SLC36A1: variants seen among roughly 807,000 people sequenced by gnomAD.
SLC36A1 encodes the protein proton-coupled amino acid transporter 1.
Under a neutral mutation model 47.5 loss-of-function variants are expected in SLC36A1, and 30 were observed. The ratio of observed to expected loss-of-function variants is 0.63; its 90% CI spans 0.47 to 0.86. The LOEUF (loss-of-function observed/expected upper bound fraction) is 0.86. Among genes scored for constraint, SLC36A1 ranks in the 40% least tolerant of loss-of-function variants. The pLI is 0.00. For synonymous variants in SLC36A1, 255 were observed against 249.7 expected (o/e 1.02, Z -0.20); for missense variants, 517 against 606.0 (o/e 0.85, Z 1.54).
the SLC36A1 span, chr5:151,511,779 T>C: frequency 1.0e-5 from 2 of 192,826 alleles, no homozygotes; most frequent in African/African-American, 4.7e-5. Context: ...CAAGAACTCA[T>C]TCAAAAACTG....
At chr5:151,461,047 G>A (rs1489665581) in intron 2 of SLC36A1, among the ~76,000 whole-genome samples, 1 of 151,556 alleles carries the variant, frequency 6.6e-6, no homozygotes, top group Non-Finnish European at 1.5e-5. Flanking sequence ...GAGTGCACTG[G>A]CACAATCATG....
chr5:151,394,222 C>T, the SLC36A1 span, among the ~76,000 whole-genome samples: 4 of 152,202 alleles, frequency 2.6e-5, no homozygotes, highest in African/African-American at 7.2e-5. Context: ...GCATTCATCA[C>T]GTAGTTCTCA....
At chr5:151,505,665 G>A in the SLC36A1 span, 2 of 1,614,018 alleles carry the variant, frequency 1.2e-6, no homozygotes, top group African/African-American at 1.3e-5. Context: ...TGCAAGAGGT[G>A]CCCCCTCCAC....
chr5:151,518,362 A>ATTATTATTATTATT, the SLC36A1 span, among the ~76,000 whole-genome samples: 2 of 75,018 alleles, frequency 2.7e-5, no homozygotes, highest in African/African-American at 3.5e-5. Context: ...TAATAATAAT[A>ATTATTATTATTATT]ATAATAATAA....
chr5:151,527,262 A>T, the SLC36A1 span: 1 of 1,612,608 alleles, frequency 6.2e-7, no homozygotes, highest in Non-Finnish European at 8.5e-7. Context: ...GTTGAGCTGG[A>T]AGAATCTCGG....
the SLC36A1 span, among the ~76,000 whole-genome samples, chr5:151,384,031 C>CA: frequency 0.011 from 1,633 of 148,922 alleles, 16 homozygotes; most frequent in Non-Finnish European, 0.017. Context: ...TGTTTTGTGA[C>CA]AAAAAAAAAA....
At chr5:151,481,619 G>A (rs1758811251) in intron 10 of SLC36A1, among the ~76,000 whole-genome samples, 1 of 151,728 alleles carries the variant, frequency 6.6e-6, no homozygotes, top group Non-Finnish European at 1.5e-5. Flanking sequence ...AAAGGGAACA[G>A]GAGGAATTCA....
At chr5:151,411,009 C>T in the SLC36A1 span, among the ~76,000 whole-genome samples, 272 of 145,028 alleles carry the variant, frequency 1.9e-3, 58 homozygotes, top group East Asian at 0.022. Flanking sequence ...TATACTTGTA[C>T]CCATTCTGCT....
At chr5:151,507,548 C>A in the SLC36A1 span, 16 of 1,613,982 alleles carry the variant, frequency 9.9e-6, no homozygotes, top group South Asian at 4.4e-5. Flanking sequence ...CCCAGTCCCC[C>A]CTTTGGATCT....
chr5:151,399,340 G>C, the SLC36A1 span, among the ~76,000 whole-genome samples: 17 of 151,866 alleles, frequency 1.1e-4, no homozygotes, highest in East Asian at 2.3e-3. Context: ...GCCCACCTCG[G>C]CCTCTCAAAG....
chr5:151,346,494 G>A, the SLC36A1 span, among the ~76,000 whole-genome samples: 2 of 152,026 alleles, frequency 1.3e-5, no homozygotes, highest in Non-Finnish European at 2.9e-5. Flanking sequence ...GGAACTTAGA[G>A]AAGGAGCAGA....
chr5:151,412,556 G>C, the SLC36A1 span: 1 of 144,118 alleles, frequency 6.9e-6, no homozygotes, highest in African/African-American at 2.5e-5. Flanking sequence ...GGAGGATGAG[G>C]ACGAGGCTTC....
chr5:151,364,447 A>G, the SLC36A1 span, among the ~76,000 whole-genome samples: 1 of 152,200 alleles, frequency 6.6e-6, no homozygotes, highest in African/African-American at 2.4e-5. Context: ...TCATCAATGC[A>G]TGAGGGTTCC....
the SLC36A1 span, among the ~76,000 whole-genome samples, chr5:151,417,754 A>T: frequency 6.6e-6 from 1 of 152,242 alleles, no homozygotes; most frequent in Non-Finnish European, 1.5e-5. Flanking sequence ...GAAAAGAATA[A>T]CCAGTTTTGG....
the SLC36A1 span, among the ~76,000 whole-genome samples, chr5:151,425,922 G>A: frequency 6.6e-6 from 1 of 151,902 alleles, no homozygotes; most frequent in East Asian, 1.9e-4. Context: ...ACTGTTAATA[G>A]TTTCTCATGT....
the SLC36A1 span, chr5:151,529,114 G>A: frequency 1.5e-6 from 2 of 1,378,214 alleles, no homozygotes; most frequent in South Asian, 1.2e-5. Flanking sequence ...GCTGGGTGTG[G>A]GGGTGAGATA....
intron 2 of SLC36A1, chr5:151,459,982 T>G (rs1314469032): frequency 6.6e-6 from 1 of 152,172 alleles, no homozygotes; most frequent in Non-Finnish European, 1.5e-5. Context: ...ACTCAACCAG[T>G]CCTCTAAGAT....
the SLC36A1 span, among the ~76,000 whole-genome samples, chr5:151,429,963 A>G: frequency 6.6e-6 from 1 of 152,104 alleles, no homozygotes; most frequent in African/African-American, 2.4e-5. Flanking sequence ...CTCAAAAAAG[A>G]TCTTCCCTCC....
chr5:151,550,742 C>T, the SLC36A1 span: 5 of 1,614,038 alleles, frequency 3.1e-6, no homozygotes, highest in African/African-American at 1.3e-5. Flanking sequence ...TTGCCCTTGT[C>T]TTGATCTATG....
Sources: gnomAD v4.1 joint callset for allele counts (sites outside exome capture counted in the v4.1 genomes callset) on GRCh38, gnomAD v4.1.1 for gene constraint, MANE v1.5 for transcripts, NCBI Gene and HGNC (gene_info 2026-07-23, HGNC 2026-07-21) for gene names.